CTR9: variants seen among roughly 807,000 people sequenced by gnomAD.
CTR9 encodes the protein CTR9 component of Paf1/RNA polymerase II complex.
In CTR9, 41 loss-of-function variants were observed where a neutral mutation model predicts 152.1. The ratio of observed to expected loss-of-function variants is 0.27; its 90% CI spans 0.21 to 0.35. The LOEUF is 0.35. Ranked by LOEUF, CTR9 falls within the 10% of genes least tolerant of loss-of-function variation. The probability of loss-of-function intolerance (pLI) is 1.00; values close to 1 mark genes in which losing one functional copy is unlikely to be tolerated. For missense variants in CTR9, 917 were observed against 1,424.4 expected, an observed-to-expected ratio of 0.64 and a Z score of 5.73; for synonymous variants, 476 against 496.2, an observed-to-expected ratio of 0.96 and a Z score of 0.54.
chr11:10,757,155 C>T lies in CTR9; in HGVS notation c.592+317C>T, dbSNP rs191752149. Among the ~76,000 whole-genome samples the T allele has an allele frequency of 2.8e-3, 429 of 152,034 alleles. 3 individuals carry two copies. The highest frequency in any genetic ancestry group is 0.01 in the African/African-American group (415 of 41,424). ...AAAAAGTTACATGAGCATGGTGGCA[C>T]ACACCTGTGGTCCCAGCTCCTTAGG... On this transcript the variant is annotated intron_variant, in intron 5 of 24. Coordinates refer to ENST00000361367, the MANE Select transcript of CTR9 (RefSeq NM_014633.5).
At position 10,767,658 on chromosome 11, in the gene CTR9, CAAAAA is replaced by C; in HGVS notation, c.1687-141_1687-137del. On this transcript the variant is annotated intron_variant, in intron 13 of 24. Transcript: ENST00000361367. This position sits in a 1 kb window ranked among gnomAD's most constrained non-coding sequence, Gnocchi z 4.0. ...AGTTCGATAAATTTGGATTGCCATG[CAAAAA>C]AAAAAAGAAAGAAAGAAAAGAAAGA... 1.7e-6 allele frequency: 1 copy of C among 579,554 alleles called. No homozygotes were observed. Among genetic ancestry groups the C allele is most frequent in the Non-Finnish European group, 2.8e-6 (1 of 354,412 alleles). 35.9% of individuals were successfully genotyped at this position (579,554 alleles called of 1,614,324 possible). A position where few individuals can be genotyped will look rare whatever the true frequency, so the allele number is the denominator to read the frequency against.
chr11:10,777,407 A>G (rs574424764), intron 24 of CTR9, among the ~76,000 whole-genome samples: 3 of 152,098 alleles, frequency 2.0e-5, no homozygotes, highest in Non-Finnish European at 4.4e-5. Flanking sequence ...AAAATAAACA[A>G]ACAAAAAAAG....
intron 7 of CTR9, among the ~76,000 whole-genome samples, 162 bp from the exon 8 acceptor site, chr11:10,763,269 G>A (rs547387025): frequency 6.7e-6 from 1 of 150,048 alleles, no homozygotes; most frequent in East Asian, 2.0e-4. Flanking sequence ...CTTTCATAGT[G>A]AATTATTGAT....
intron 7 of CTR9, among the ~76,000 whole-genome samples, chr11:10,762,509 A>C (rs1034761202): frequency 6.6e-6 from 1 of 152,230 alleles, no homozygotes; most frequent in African/African-American, 2.4e-5. Flanking sequence ...AAAGACACAC[A>C]AATCTATGAA....
At chr11:10,770,703 C>A in intron 18 of CTR9, 71 bp downstream of exon 18, 1 of 1,381,532 alleles carries the variant, frequency 7.2e-7, no homozygotes, top group Non-Finnish European at 9.7e-7. Flanking sequence ...TGAACTCTCC[C>A]GATTTTGTCT....
intron 5 of CTR9, among the ~76,000 whole-genome samples, chr11:10,757,515 C>T (rs572830436): frequency 6.6e-6 from 1 of 152,012 alleles, no homozygotes; most frequent in South Asian, 2.1e-4. Context: ...GCATTTGAGG[C>T]TGCAGTGAGC....
Position 10,774,072 on chromosome 11 carries a change from C to T in CTR9, c.2788C>T (p.Pro930Ser). ...FVNDDTDDDL[P>S]ISKKKKRRKG... ...CAATGATGACACTGATGATGACCTA[C>T]CTATATCCAAAAAGAAGAAGAGAAG... Residue 930 changes from proline to serine, a missense_variant, in exon 22 of 25, where the codon CCT (proline) becomes TCT (serine). Around this residue, in one of 9 missense-constraint regions of CTR9, gnomAD observed 384 missense variants for 398.4 expected, o/e 0.96. Transcript: ENST00000361367. The T allele has an allele frequency of 6.2e-7, 1 of 1,612,532 alleles. No individual in the cohort carries two copies. Among genetic ancestry groups the T allele is most frequent in the Non-Finnish European group, 8.5e-7 (1 of 1,178,882 alleles).
chr11:10,778,579 G>C lies in CTR9; in HGVS notation c.3096-100G>C, dbSNP rs889174943. On this transcript the variant is annotated intron_variant, in intron 24 of 24. Coordinates refer to ENST00000361367, the MANE Select transcript of CTR9 (RefSeq NM_014633.5). Reference sequence around the variant, plus strand: ...TAACCACTATTTAGGTCAAGAAATAGAATATTAAATGCCCTTCTGTTTTAA... The same window carrying C: ...TAACCACTATTTAGGTCAAGAAATACAATATTAAATGCCCTTCTGTTTTAA... The C allele has an allele frequency of 9.2e-6, 10 of 1,090,886 alleles. No homozygotes were observed. The Admixed American group carries it at 1.3e-4, about 14-fold the overall frequency. 67.6% of individuals were successfully genotyped at this position (1,090,886 alleles called of 1,614,324 possible).
intron 23 of CTR9, 81 bp from the exon 24 acceptor site, chr11:10,775,440 A>G (rs1468722393): frequency 7.3e-7 from 1 of 1,374,756 alleles, no homozygotes; most frequent in African/African-American, 1.5e-5. Flanking sequence ...GTTTGATTGT[A>G]TCATTGTAAT....
In CTR9 at chr11:10,764,746, C is replaced by T. The variant is rs752607760; in HGVS notation, c.1597+15C>T. ...TTATGTTGACTGTAAGGATTTTAAA[C>T]TTCTTTATGTAATGAAATCCGTTCA... is the stretch of plus-strand genomic sequence containing the variant. On this transcript the variant is annotated intron_variant, in intron 12 of 24. Transcript: ENST00000361367. 3.2e-6 allele frequency: 5 copies of T among 1,573,742 alleles called. No individual in the cohort carries two copies. Among genetic ancestry groups the T allele is most frequent in the Non-Finnish European group, 4.3e-6 (5 of 1,150,894 alleles).
intron 5 of CTR9, among the ~76,000 whole-genome samples, chr11:10,759,426 G>A (rs1862939188): frequency 6.6e-6 from 1 of 152,194 alleles, no homozygotes; most frequent in African/African-American, 2.4e-5. Flanking sequence ...CAGTTTTACT[G>A]GAATGGTGGG....
At chr11:10,769,089 C>T (rs947476904) in intron 16 of CTR9, among the ~76,000 whole-genome samples, 1 of 151,982 alleles carries the variant, frequency 6.6e-6, no homozygotes, top group Admixed American at 6.6e-5. Flanking sequence ...GGCATGGTAG[C>T]ACGTGCCTGT....
rs1863014355 is a variant in CTR9 at position 10,763,739 on chromosome 11, A to G, written c.1054A>G (p.Ile352Val). Residue 352 changes from isoleucine to valine, a missense_variant, in exon 9 of 25, where the codon ATT (isoleucine) becomes GTT (valine). Around this residue, in one of 9 missense-constraint regions of CTR9, gnomAD observed 133 missense variants for 244.1 expected, o/e 0.54. Transcript: ENST00000361367. ...ATTTTTTGGTTTGGGACAAATGTAT[A>G]TTTATCGAGGTGACAAAGAAAATGC... ...LPFFGLGQMY[I>V]YRGDKENASQ... The G allele has an allele frequency of 6.2e-7, 1 of 1,613,996 alleles. No individual in the cohort carries two copies.
Position 10,752,683 on chromosome 11 carries a change from T to G in CTR9, c.57T>G (p.Leu19=). Residue 19 remains leucine, a synonymous_variant, in exon 2 of 25, where the codon CTT becomes CTG. Coordinates refer to ENST00000361367, the MANE Select transcript of CTR9 (RefSeq NM_014633.5). ...CTTTTGTATTTTAGGTCATTGAACT[T>G]GACTTCGATCAGTTACCGGAGGGAG... ...PLRDTDEVIE[L]DFDQLPEGDE... 1 of 1,613,452 alleles carries G rather than the reference T, an allele frequency of 6.2e-7. No homozygotes were observed. The highest frequency in any genetic ancestry group is 8.5e-7 in the Non-Finnish European group (1 of 1,179,396).
rs114144193 is a variant in CTR9, at chr11:10,758,084, G to A, written c.592+1246G>A. Among the ~76,000 whole-genome samples the A allele has an allele frequency of 1.9e-3, 282 of 152,264 alleles. 6 individuals are homozygous for A. Among genetic ancestry groups the A allele is most frequent in the African/African-American group, 6.4e-3 (266 of 41,556 alleles). ...TTCTGGAATAGAGAGAGAAAGAGTT[G>A]GGGGGAAAGTAGTAAGAAATGGGGT... is the stretch of plus-strand genomic sequence containing the variant. On this transcript the variant is annotated intron_variant, in intron 5 of 24. Transcript: ENST00000361367.
intron 8 of CTR9, 32 bp downstream of exon 8, chr11:10,763,570 T>G: frequency 6.4e-7 from 1 of 1,570,954 alleles, no homozygotes; most frequent in Non-Finnish European, 8.6e-7. Context: ...ATGTCTAATC[T>G]TTTTACTTAT....
intron 24 of CTR9, among the ~76,000 whole-genome samples, chr11:10,776,971 GA>G (rs11326865): frequency 0.3 from 18,863 of 62,232 alleles, 1,251 homozygotes; most frequent in African/African-American, 0.42. Flanking sequence ...AGACTCTTGT[GA>G]AAAAAAAAAA....
At chr11:10,761,880 A>G in intron 6 of CTR9, 67 bp from the exon 7 acceptor site, 1 of 1,039,344 alleles carries the variant, frequency 9.6e-7, no homozygotes, top group Admixed American at 2.4e-5. Context: ...GTGACTAAAG[A>G]AAACTTCTTG....
At chr11:10,756,706 G>A (rs1294449940) in intron 4 of CTR9, 43 bp from the exon 5 acceptor site, 1 of 1,368,652 alleles carries the variant, frequency 7.3e-7, no homozygotes, top group East Asian at 2.3e-5. Flanking sequence ...TAGACTTGTA[G>A]CCTTTAATCA....
Sources: allele counts gnomAD v4.1 joint callset (sites outside exome capture counted in the v4.1 genomes callset), GRCh38; gene constraint gnomAD v4.1.1; regional missense constraint gnomAD v4.1.1; non-coding constraint Gnocchi (gnomAD v3.1); transcripts MANE v1.5; gene names NCBI Gene and HGNC (gene_info 2026-07-23, HGNC 2026-07-21).